Variants in TPCN1 observed in about 807,000 individuals in gnomAD.
The protein encoded by TPCN1 is two pore segment channel 1, also known as two pore channel protein 1.
TPCN1 carries 52 observed loss-of-function variants against 108.8 expected under a neutral mutation model. The ratio of observed to expected loss-of-function variants is 0.48; its 90% CI spans 0.38 to 0.60. TPCN1 has a LOEUF of 0.60. Among genes scored for constraint, TPCN1 ranks in the 20% least tolerant of loss-of-function variants. The pLI is 0.00. For missense variants in TPCN1, 806 were observed against 1,072.8 expected (o/e 0.75, Z 3.47); for synonymous variants, 446 against 433.7 (o/e 1.03, Z -0.35).
chr12:113,293,897 G>A (rs1408998990), intron 27 of TPCN1, among the ~76,000 whole-genome samples: 1 of 152,222 alleles, frequency 6.6e-6, no homozygotes, highest in Non-Finnish European at 1.5e-5. Flanking sequence ...GAGTGCAGCA[G>A]CACGATCTAG....
intron 19 of TPCN1, 101 bp downstream of exon 19, chr12:113,287,195 A>T: frequency 1.0e-6 from 1 of 985,824 alleles, no homozygotes; most frequent in Non-Finnish European, 1.6e-6. Context: ...CAGAAGGTTC[A>T]CAAGCCAGAG....
At position 113,289,207 on chromosome 12, in the gene TPCN1, C is replaced by T. The variant is rs569611475; in HGVS notation, c.1796+360C>T. On this transcript the variant is annotated intron_variant, in intron 21 of 27. Coordinates refer to ENST00000335509, the MANE Select transcript of TPCN1 (RefSeq NM_017901.6). This position sits in a 1 kb window ranked among gnomAD's most constrained non-coding sequence, Gnocchi z 4.1. ...AAGACCAGTCTTCTAGGGACAGCAT[C>T]GTAGGATAAGACAGACGGACACGTG... 2.6e-5 allele frequency among the ~76,000 whole-genome samples: 4 copies of T among 152,288 alleles called. No homozygotes were observed. In the East Asian group the frequency reaches 7.7e-4, roughly 29 times the overall value.
At position 113,288,235 on chromosome 12, in the gene TPCN1, G is replaced by A; in HGVS notation, c.1706+1G>A. On this transcript the variant is annotated splice_donor_variant, in intron 20 of 27. Coordinates refer to ENST00000335509, the MANE Select transcript of TPCN1 (RefSeq NM_017901.6). LOFTEE classifies it high-confidence loss of function. The surrounding 1 kb of genome is among the most constrained non-coding windows in gnomAD (Gnocchi z 4.8). ...TCGAGCTGCTGCCCCGGATGGCCAG[G>A]TACTGCCAGCCCCCACCCTGGCCTG... 1.2e-6 allele frequency: 2 copies of A among 1,613,748 alleles called. No individual in the cohort carries two copies. Among genetic ancestry groups the A allele is most frequent in the Non-Finnish European group, 1.7e-6 (2 of 1,179,924 alleles).
At chr12:113,249,991 G>C (rs1404783941) in intron 2 of TPCN1, 1 of 152,236 alleles carries the variant, frequency 6.6e-6, no homozygotes, top group Non-Finnish European at 1.5e-5. Context: ...TTGATGCGAG[G>C]ATGAAGTTAT....
rs1366953788 is a variant in TPCN1 at position 113,277,356 on chromosome 12, C to T, written c.1176C>T (p.Pro392=). ...AGGCCCTGAATCAGAACAACACACC[C>T]CTGCTCAGGTAAGAGCAGATGCCTG... ...TFKALNQNNT[P]LLSLKDFYDI... is the part of the protein sequence containing the mutation. Residue 392 remains proline (P), a synonymous_variant, in exon 12 of 28, where the codon CCC becomes CCT. Transcript: ENST00000335509. 6.2e-7 allele frequency: 1 copy of T among 1,614,168 alleles called. No homozygotes were observed. Among genetic ancestry groups the T allele is most frequent in the Admixed American group, 1.7e-5 (1 of 60,030 alleles).
chr12:113,266,208 C>G lies in TPCN1; in HGVS notation c.266C>G (p.Thr89Ser), dbSNP rs761080170. Residue 89 changes from threonine to serine, a missense_variant, in exon 4 of 28, where the codon ACC becomes AGC. Thr to Ser is a moderately conservative substitution (Grantham distance 58). Transcript: ENST00000335509. The surrounding 1 kb of genome is among the most constrained non-coding windows in gnomAD (Gnocchi z 4.2). The part of the protein sequence containing the change: ...QEGENNDKFF[T>S]HPKDAKALAA... ...GGCGAGAACAACGACAAGTTCTTCA[C>G]CCACCCCAAGGATGCCAAGGCGCTG... 1 of 1,614,170 alleles carries G rather than the reference C, an allele frequency of 6.2e-7. No homozygotes were observed. Among genetic ancestry groups the G allele is most frequent in the Non-Finnish European group, 8.5e-7 (1 of 1,180,020 alleles).
intron 2 of TPCN1, among the ~76,000 whole-genome samples, chr12:113,238,554 C>A (rs904729282): frequency 3.3e-5 from 5 of 152,188 alleles, no homozygotes; most frequent in Non-Finnish European, 5.9e-5. Flanking sequence ...CTCGGCCTCC[C>A]AAAGTGCTGA....
rs1007937431 is a variant in TPCN1, at chr12:113,297,957, G to C, written c.*1881G>C. On this transcript the variant is annotated 3_prime_UTR_variant, in exon 28 of 28. Coordinates refer to ENST00000335509, the MANE Select transcript of TPCN1 (RefSeq NM_017901.6). The surrounding 1 kb of genome is among the most constrained non-coding windows in gnomAD (Gnocchi z 4.4). ...CGCCTGGGCCCTTCTTCCTCCCCAG[G>C]GGTGGAAACGTGGAGGGGCCAGCAG... 7 of 152,272 alleles carry C rather than the reference G, an allele frequency of 4.6e-5. No homozygotes were observed. The highest frequency in any genetic ancestry group is 4.6e-4 in the Admixed American group (7 of 15,286). 9.4% of individuals were successfully genotyped at this position (152,272 alleles called of 1,614,324 possible).
intron 3 of TPCN1, among the ~76,000 whole-genome samples, chr12:113,262,739 T>C (rs868761907): frequency 2.0e-5 from 3 of 152,128 alleles, no homozygotes; most frequent in Admixed American, 6.6e-5. Context: ...GTAATGAACA[T>C]AGGAACTTTA....
chr12:113,242,409 C>T (rs1954180419), intron 2 of TPCN1, among the ~76,000 whole-genome samples: 1 of 152,202 alleles, frequency 6.6e-6, no homozygotes, highest in South Asian at 2.1e-4. Context: ...GAGGGCTTGG[C>T]TGCCCGTCGT....
intron 3 of TPCN1, among the ~76,000 whole-genome samples, chr12:113,261,424 T>TC (rs1252620561): frequency 6.8e-6 from 1 of 147,518 alleles, no homozygotes; most frequent in African/African-American, 2.5e-5. Flanking sequence ...TTTTTTTTTT[T>TC]TTTTTTTTTC....
intron 2 of TPCN1, among the ~76,000 whole-genome samples, chr12:113,241,353 TGCA>T (rs76191848): frequency 0.091 from 13,774 of 152,082 alleles, 699 homozygotes; most frequent in East Asian, 0.2. Flanking sequence ...CAAAGCCACC[TGCA>T]GCAGCAGCAG....
At position 113,293,013 on chromosome 12, in the gene TPCN1, G is replaced by C. The variant is rs367617972; in HGVS notation, c.2193G>C (p.Arg731=). ...TCCTGGAGCTCTACCGGGAGGCACG[G>C]GGGGCCTCCTCGGATGTCACCAGGC... ...VAVLELYREA[R]GASSDVTRLL... The change falls in exon 26 of 28, where the codon CGG becomes CGC. Residue 731 remains arginine (R), a synonymous_variant. Transcript: ENST00000335509. 2 of 1,613,186 alleles carry C rather than the reference G, an allele frequency of 1.2e-6. No homozygotes were observed. The highest frequency in any genetic ancestry group is 1.7e-5 in the Admixed American group (1 of 59,998).
intron 19 of TPCN1, 127 bp downstream of exon 19, chr12:113,287,221 C>T: frequency 1.3e-6 from 1 of 750,704 alleles, no homozygotes. Flanking sequence ...GATGTCACCC[C>T]CTGGAGAATC....
intron 3 of TPCN1, among the ~76,000 whole-genome samples, chr12:113,262,896 G>C (rs1444051902): frequency 6.6e-6 from 1 of 152,194 alleles, no homozygotes; most frequent in African/African-American, 2.4e-5. Flanking sequence ...CATTTAAACT[G>C]TTTAGCCTCC....
At chr12:113,260,197 C>A in intron 2 of TPCN1, 171 bp from the exon 3 acceptor site, 1 of 624,996 alleles carries the variant, frequency 1.6e-6, no homozygotes. Context: ...CATTTGTAAC[C>A]AGCTGTGCTA....
At position 113,273,402 on chromosome 12, in the gene TPCN1, T is replaced by C. The variant is rs574835830; in HGVS notation, c.842+112T>C. The C allele has an allele frequency of 1.7e-5, 23 of 1,357,094 alleles. No individual in the cohort carries two copies. The highest frequency in any genetic ancestry group is 8.2e-5 in the South Asian group (7 of 84,944). The allele number at this position is 1,357,094 out of a possible 1,614,324, so 84.1% of individuals were successfully genotyped here. ...AGCACAGGCAGGTGCTGTGGTGCTATTGGGAGACAGGGTTGGCCCACTGAG... is the reference window on the plus strand; with the variant it reads ...AGCACAGGCAGGTGCTGTGGTGCTACTGGGAGACAGGGTTGGCCCACTGAG... On this transcript the variant is annotated intron_variant, in intron 9 of 27. Transcript: ENST00000335509. This position sits in a 1 kb window ranked among gnomAD's most constrained non-coding sequence, Gnocchi z 4.0.
chr12:113,248,208 C>T (rs1048952332), intron 2 of TPCN1, among the ~76,000 whole-genome samples: 3 of 152,288 alleles, frequency 2.0e-5, no homozygotes, highest in Non-Finnish European at 2.9e-5. Flanking sequence ...CCTTGTTCTC[C>T]GCCCTCCAGG....
chr12:113,232,958 A>G lies in TPCN1; in HGVS notation c.112+5994A>G, dbSNP rs1425128645. ...ATTAGATTTTCACAGGCTCCCACCGAGCTTGGGCATTTGGCTCCGCTGGAG... is the reference window on the plus strand; with the variant it reads ...ATTAGATTTTCACAGGCTCCCACCGGGCTTGGGCATTTGGCTCCGCTGGAG... On this transcript the variant is annotated intron_variant, in intron 2 of 27. Coordinates refer to ENST00000335509, the MANE Select transcript of TPCN1 (RefSeq NM_017901.6). The surrounding 1 kb of genome is among the most constrained non-coding windows in gnomAD (Gnocchi z 5.6). 6.6e-6 allele frequency among the ~76,000 whole-genome samples: 1 copy of G among 152,308 alleles called. No individual in the cohort carries two copies. Among genetic ancestry groups the G allele is most frequent in the Non-Finnish European group, 1.5e-5 (1 of 68,018 alleles).
Sources: allele counts gnomAD v4.1 joint callset (sites outside exome capture counted in the v4.1 genomes callset), GRCh38; gene constraint gnomAD v4.1.1; non-coding constraint Gnocchi (gnomAD v3.1); transcripts MANE v1.5; gene names NCBI Gene and HGNC (gene_info 2026-07-23, HGNC 2026-07-21).